Variants in TRA2A observed in about 807,000 individuals in gnomAD.
TRA2A encodes the protein transformer-2 protein homolog alpha.
A neutral mutation model predicts 45.7 loss-of-function variants in TRA2A; 31 were observed. That is an observed-to-expected ratio of 0.68 (90% CI 0.51 to 0.92). The LOEUF (loss-of-function observed/expected upper bound fraction) is 0.92, where lower values mean the gene tolerates loss of function less well. Among genes scored for constraint, TRA2A ranks in the 40% least tolerant of loss-of-function variants. The pLI is 0.00. For missense variants in TRA2A, 304 were observed against 367.5 expected (o/e 0.83, Z 1.41); for synonymous variants, 132 against 126.2 (o/e 1.05, Z -0.31).
At chr7:23,530,558 C>CT (rs1040697819) in intron 1 of TRA2A, among the ~76,000 whole-genome samples, 4 of 152,178 alleles carry the variant, frequency 2.6e-5, no homozygotes, top group African/African-American at 9.6e-5. Flanking sequence ...TTGCATGGGG[C>CT]TTTTGTTTTC....
Position 23,505,207 on chromosome 7 carries a change from A to G in TRA2A, c.*352T>C, listed in dbSNP as rs1191779888. ...CATGATAAATGCAGATCTCTAATAC[A>G]GTATCTAACACAAAAGAAGCTTTAA... On this transcript the variant is annotated 3_prime_UTR_variant, in exon 8 of 8. Coordinates refer to ENST00000297071, the MANE Select transcript of TRA2A (RefSeq NM_013293.5). The G allele has an allele frequency of 3.5e-5, 8 of 229,146 alleles. No individual in the cohort carries two copies. Among genetic ancestry groups the G allele is most frequent in the Admixed American group, 2.3e-4 (4 of 17,672 alleles). The allele number at this position is 229,146 out of a possible 1,614,324, so 14.2% of individuals were successfully genotyped here.
chr7:23,506,899 C>A (rs1046233205), intron 5 of TRA2A, among the ~76,000 whole-genome samples: 9 of 152,186 alleles, frequency 5.9e-5, no homozygotes, highest in African/African-American at 2.2e-4. Flanking sequence ...CCTCAGCCTC[C>A]TGAGTAGCTG....
intron 2 of TRA2A, among the ~76,000 whole-genome samples, chr7:23,517,477 C>CAAAAAAAAAAAAAAAAAAAAAAA (rs70954385): frequency 2.9e-4 from 4 of 13,932 alleles, no homozygotes; most frequent in South Asian, 2.5e-3. Context: ...GACTACGTCT[C>CAAAAAAAAAAAAAAAAAAAAAAA]AAAAAAAAAA....
Position 23,506,140 on chromosome 7 carries a change from G to A in TRA2A, c.768C>T (p.Tyr256=). 6.2e-7 allele frequency: 1 copy of A among 1,601,652 alleles called. No individual in the cohort carries two copies. Among genetic ancestry groups the A allele is most frequent in the Non-Finnish European group, 8.5e-7 (1 of 1,171,176 alleles). Residue 256 remains tyrosine, a splice_region_variant and synonymous_variant, in exon 6 of 8, where the codon TAC becomes TAT. Transcript: ENST00000297071. ...YDRYEDYDYR[Y]RRRSPSPYYS... is the part of the protein sequence containing the mutation. ...GAAAGCTCAAGTTAAAACATTACCT[G>A]TATCGGTAATCATAGTCTTCATATC...
At chr7:23,506,380 G>A in intron 5 of TRA2A, 114 bp from the exon 6 acceptor site, 2 of 1,287,984 alleles carry the variant, frequency 1.6e-6, no homozygotes, top group South Asian at 1.9e-5. Context: ...TCCCTTTCAT[G>A]AGAAATTGCC....
chr7:23,527,434 CATATGAACAA>C (rs1295092931), intron 1 of TRA2A, among the ~76,000 whole-genome samples: 1 of 152,048 alleles, frequency 6.6e-6, no homozygotes, highest in Non-Finnish European at 1.5e-5. Context: ...TTTGTGAGGA[CATATGAACAA>C]ATAGCAATCA....
At chr7:23,525,352 T>C (rs1433445762) in intron 1 of TRA2A, among the ~76,000 whole-genome samples, 1 of 152,228 alleles carries the variant, frequency 6.6e-6, no homozygotes, top group South Asian at 2.1e-4. Context: ...CTGCCCTGTT[T>C]CACTAGACTA....
intron 1 of TRA2A, among the ~76,000 whole-genome samples, chr7:23,526,048 AAT>A (rs1293818491): frequency 2.0e-5 from 3 of 152,242 alleles, no homozygotes; most frequent in African/African-American, 7.2e-5. Context: ...TCTGTGTTAA[AAT>A]AGAGTTGTAT....
chr7:23,512,356 C>T (rs942838947), intron 4 of TRA2A, among the ~76,000 whole-genome samples: 2 of 152,174 alleles, frequency 1.3e-5, no homozygotes, highest in African/African-American at 2.4e-5. Context: ...TGGTGGCCCA[C>T]ACTTGTAGTG....
chr7:23,516,655 G>T, intron 2 of TRA2A, 127 bp from the exon 3 acceptor site: 1 of 768,098 alleles, frequency 1.3e-6, no homozygotes, highest in Non-Finnish European at 2.1e-6. Context: ...TGAGGAAAGG[G>T]TATTCTTCCT....
chr7:23,521,576 AC>A (rs1463083493), intron 2 of TRA2A, 130 bp downstream of exon 2: 1 of 1,054,150 alleles, frequency 9.5e-7, no homozygotes, highest in Non-Finnish European at 1.4e-6. Flanking sequence ...GTATTCATTT[AC>A]AAAGAGCAGT....
At chr7:23,513,404 G>T (rs1562790745) in intron 3 of TRA2A, among the ~76,000 whole-genome samples, 1 of 152,258 alleles carries the variant, frequency 6.6e-6, no homozygotes, top group East Asian at 1.9e-4. Flanking sequence ...GATCACCTGA[G>T]GTTAGGAGTT....
At chr7:23,513,144 A>G in intron 3 of TRA2A, 62 bp from the exon 4 acceptor site, 2 of 1,247,368 alleles carry the variant, frequency 1.6e-6, no homozygotes, top group Non-Finnish European at 2.2e-6. Flanking sequence ...AAACACAGAA[A>G]TACTTTGTTT....
Position 23,517,477 on chromosome 7 carries a change from C to CAAAAAA in TRA2A, c.171-955_171-950dup, listed in dbSNP as rs70954385. Reference sequence around the variant, plus strand: ...TGGGCGACAGAGCAAGACTACGTCTCAAAAAAAAAAAAAAAAAAAAAAAAA... The same window carrying CAAAAAA: ...TGGGCGACAGAGCAAGACTACGTCTCAAAAAAAAAAAAAAAAAAAAAAAAAAAAAAA... On this transcript the variant is annotated intron_variant, in intron 2 of 7. Transcript: ENST00000297071. Among the ~76,000 whole-genome samples the CAAAAAA allele has an allele frequency of 1.8e-3, 25 of 13,934 alleles. 1 individual carries two copies. Among genetic ancestry groups the CAAAAAA allele is most frequent in the East Asian group, 4.7e-3 (2 of 422 alleles). 9.1% of individuals were successfully genotyped at this position (13,934 alleles called of 152,430 possible). A position where few individuals can be genotyped will look rare whatever the true frequency, so the allele number is the denominator to read the frequency against.
intron 4 of TRA2A, among the ~76,000 whole-genome samples, chr7:23,509,658 G>A (rs1037493980): frequency 3.3e-5 from 5 of 151,666 alleles, no homozygotes; most frequent in East Asian, 3.9e-4. Context: ...GCTTGAACCC[G>A]GGAGGCAGAG....
chr7:23,522,099 G>C, intron 1 of TRA2A: 1 of 1,312,468 alleles, frequency 7.6e-7, no homozygotes, highest in Non-Finnish European at 9.8e-7. Context: ...TGATCATACA[G>C]ACACTGGAAC....
At chr7:23,518,303 A>C (rs1789978568) in intron 2 of TRA2A, among the ~76,000 whole-genome samples, 1 of 151,950 alleles carries the variant, frequency 6.6e-6, no homozygotes, top group Non-Finnish European at 1.5e-5. Context: ...AGTATCTGCT[A>C]AACTAATTCA....
chr7:23,517,222 C>T (rs1227084040), intron 2 of TRA2A, among the ~76,000 whole-genome samples: 1 of 151,982 alleles, frequency 6.6e-6, no homozygotes, highest in African/African-American at 2.4e-5. Flanking sequence ...GTGGCTCATG[C>T]CTGTAATCCC....
chr7:23,506,242 G>A lies in TRA2A; in HGVS notation c.666C>T (p.Gly222=), dbSNP rs760059143. ...CACCACCTCCACCTCCACCGCCGCC[G>A]CCTCCTCCACCACCCCCACCACTAC... is the stretch of plus-strand genomic sequence containing the variant. The part of the protein sequence containing the change: ...PTHSGGGGGG[G]GGGGGGGGGR... Residue 222 remains glycine, a synonymous_variant, in exon 6 of 8, where the codon GGC becomes GGT. Transcript: ENST00000297071. 1.4e-6 allele frequency: 2 copies of A among 1,451,842 alleles called. No homozygotes were observed. The highest frequency in any genetic ancestry group is 1.7e-5 in the Admixed American group (1 of 57,700). The allele number at this position is 1,451,842 out of a possible 1,614,324, so 89.9% of individuals were successfully genotyped here.
Sources: gnomAD v4.1 joint callset for allele counts (sites outside exome capture counted in the v4.1 genomes callset) on GRCh38, gnomAD v4.1.1 for gene constraint, MANE v1.5 for transcripts, NCBI Gene and HGNC (gene_info 2026-07-23, HGNC 2026-07-21) for gene names.